Variants in ZNF273 observed in about 807,000 individuals in gnomAD.
ZNF273 encodes zinc finger protein 273, also known as zinc finger protein 9.
In ZNF273, 11 loss-of-function variants were observed where a neutral mutation model predicts 14.9. The ratio of observed to expected loss-of-function variants is 0.74; its 90% CI spans 0.46 to 1.22. The LOEUF is 1.22. Ranked by LOEUF, ZNF273 falls within the 50% of genes most tolerant of loss-of-function variation. The pLI is 0.00. For synonymous variants in ZNF273, 199 were observed against 223.9 expected, an observed-to-expected ratio of 0.89 and a Z score of 0.99; for missense variants, 577 against 660.6, an observed-to-expected ratio of 0.87 and a Z score of 1.39.
chr7:64,891,006 A>G (rs7783460), downstream of ZNF273, among the ~76,000 whole-genome samples: 139,358 of 152,322 alleles, frequency 0.91, 64,051 homozygotes, highest in South Asian at 0.97. Context: ...GCAGGGGCAG[A>G]TGGCTGTGCT....
intron 1 of ZNF273, among the ~76,000 whole-genome samples, chr7:64,911,678 T>A (rs7810921): frequency 0.99 from 150,174 of 152,276 alleles, 74,088 homozygotes; most frequent in East Asian, 1. Context: ...TTTTTCAAAG[T>A]TTTAACTTCT....
chr7:64,935,919 T>G (rs1220217218), downstream of ZNF273, among the ~76,000 whole-genome samples: 2 of 152,206 alleles, frequency 1.3e-5, no homozygotes, highest in Admixed American at 1.3e-4. Flanking sequence ...TCAATAGCTT[T>G]GCATAATTGC....
intron 1 of ZNF273, among the ~76,000 whole-genome samples, chr7:64,912,826 G>GTTTTTTGTTGTTGTTTTTTTTTTTTT: frequency 2.2e-3 from 79 of 36,570 alleles, no homozygotes; most frequent in Non-Finnish European, 3.8e-3. Context: ...ATTCATTTTA[G>GTTTTTTGTTGTTGTTTTTTTTTTTTT]TTTTTTTTTT....
rs1794947181 is a variant in ZNF273, at chr7:64,930,002, G to C, written c.*964G>C. On this transcript the variant is annotated 3_prime_UTR_variant, in exon 4 of 4. Coordinates refer to ENST00000476120, the MANE Select transcript of ZNF273 (RefSeq NM_021148.3). ...CTGCCTCAGCCTCCCTAGTAGCTGG[G>C]ATTACAGGCATGTGCCACACCTGGC... is the stretch of plus-strand genomic sequence containing the variant. The C allele has an allele frequency of 6.6e-6, 1 of 152,506 alleles. No homozygotes were observed. The highest frequency in any genetic ancestry group is 1.5e-5 in the Non-Finnish European group (1 of 68,330). 9.4% of individuals were successfully genotyped at this position (152,506 alleles called of 1,614,324 possible). A position where few individuals can be genotyped will look rare whatever the true frequency, so the allele number is the denominator to read the frequency against.
chr7:64,919,234 A>G (rs1057264253), intron 3 of ZNF273, among the ~76,000 whole-genome samples: 2 of 152,142 alleles, frequency 1.3e-5, no homozygotes, highest in African/African-American at 4.8e-5. Context: ...TAGGGCGTTT[A>G]TTGAATCTGT....
downstream of ZNF273, chr7:64,880,235 T>C (rs905822287): frequency 3.3e-5 from 5 of 152,218 alleles, no homozygotes; most frequent in Admixed American, 1.3e-4. Context: ...TGAGGAAATG[T>C]CAAGGTAAGG....
chr7:64,906,114 T>C (rs926837167), intron 1 of ZNF273, among the ~76,000 whole-genome samples: 1 of 152,224 alleles, frequency 6.6e-6, no homozygotes, highest in Non-Finnish European at 1.5e-5. Flanking sequence ...GAGAATCTCT[T>C]TTTAATTTTG....
In ZNF273 at chr7:64,896,166, A is replaced by G. The variant is rs1365021645; in HGVS notation, n.489-1182A>G. The stretch of plus-strand genomic sequence containing the variant: ...GCACTATCCAGTAGCTATTTCCCTC[A>G]GTCTTTTCTGGAATTTTCTATCACT... On this transcript the variant is annotated intron_variant and non_coding_transcript_variant, in intron 3 of 7. Coordinates refer to the ZNF273 transcript ENST00000527278. 4.1e-4 allele frequency among the ~76,000 whole-genome samples: 63 copies of G among 152,268 alleles called. 1 individual carries two copies. The highest frequency in any genetic ancestry group is 1.5e-5 in the Non-Finnish European group (1 of 68,008).
downstream of ZNF273, among the ~76,000 whole-genome samples, chr7:64,881,331 A>G (rs1791248355): frequency 6.6e-6 from 1 of 152,180 alleles, no homozygotes; most frequent in Non-Finnish European, 1.5e-5. Context: ...GTCTGGCTCA[A>G]AGGCTTCCAC....
chr7:64,895,445 C>T (rs1162745906), intron 3 of ZNF273, among the ~76,000 whole-genome samples: 2 of 152,080 alleles, frequency 1.3e-5, no homozygotes, highest in Non-Finnish European at 2.9e-5. Flanking sequence ...ACCTGTTAAT[C>T]AGTGTCATGT....
chr7:64,901,166 C>G (rs1792691103), upstream of ZNF273, among the ~76,000 whole-genome samples: 1 of 152,060 alleles, frequency 6.6e-6, no homozygotes, highest in African/African-American at 2.4e-5. Context: ...TCACACCTGG[C>G]TAATTTTTGT....
chr7:64,913,922 C>T (rs973756422), intron 1 of ZNF273, among the ~76,000 whole-genome samples: 1 of 151,738 alleles, frequency 6.6e-6, no homozygotes, highest in Non-Finnish European at 1.5e-5. Context: ...TTTACTTGTG[C>T]CCTTTCCACA....
downstream of ZNF273, among the ~76,000 whole-genome samples, chr7:64,880,794 G>T (rs1791226034): frequency 6.6e-6 from 1 of 152,140 alleles, no homozygotes; most frequent in Admixed American, 6.5e-5. Flanking sequence ...AAACCCCCGA[G>T]TGCCTCCTTT....
intron 1 of ZNF273, 114 bp downstream of exon 1, chr7:64,903,533 C>T: frequency 1.9e-6 from 2 of 1,078,344 alleles, no homozygotes; most frequent in Non-Finnish European, 2.8e-6. Context: ...AATCCGCGGC[C>T]AGGAGTTCTC....
At chr7:64,896,732 C>T (rs1164396405) in intron 3 of ZNF273, among the ~76,000 whole-genome samples, 1 of 151,986 alleles carries the variant, frequency 6.6e-6, no homozygotes, top group Non-Finnish European at 1.5e-5. Context: ...TAAATCTGGG[C>T]TCATAGCTCA....
At chr7:64,889,485 G>A, downstream of ZNF273, 3 of 985,914 alleles carry the variant, frequency 3.0e-6, no homozygotes, top group Non-Finnish European at 3.6e-6. This position sits in a 1 kb window ranked among gnomAD's most constrained non-coding sequence, Gnocchi z 4.2. Context: ...GGGACGCCAG[G>A]TTCCCGGTTT....
intron 1 of ZNF273, among the ~76,000 whole-genome samples, chr7:64,907,733 A>G (rs1251446535): frequency 6.6e-6 from 1 of 152,182 alleles, no homozygotes; most frequent in Non-Finnish European, 1.5e-5. Context: ...ATATCACAGA[A>G]GCCTGGCCTG....
downstream of ZNF273, chr7:64,889,229 C>G (rs1313202506): frequency 1.0e-6 from 1 of 985,308 alleles, no homozygotes; most frequent in Non-Finnish European, 1.2e-6. The surrounding 1 kb of genome is among the most constrained non-coding windows in gnomAD (Gnocchi z 4.2). Context: ...GGGGCTGGCG[C>G]TGTTCCTTGG....
At chr7:64,881,213 G>A (rs1393131742), downstream of ZNF273, among the ~76,000 whole-genome samples, 3 of 152,210 alleles carry the variant, frequency 2.0e-5, no homozygotes, top group Non-Finnish European at 4.4e-5. Flanking sequence ...CAGTCATTCC[G>A]GGAGCCACAG....
Sources: gnomAD v4.1 joint callset for allele counts (sites outside exome capture counted in the v4.1 genomes callset) on GRCh38, gnomAD v4.1.1 for gene constraint, Gnocchi (gnomAD v3.1) non-coding constraint, MANE v1.5 for transcripts, NCBI Gene and HGNC (gene_info 2026-07-23, HGNC 2026-07-21) for gene names.